The following NPC1 variants were observed in gnomAD, a reference collection of about 807,000 sequenced individuals.
NPC1 encodes the protein Niemann-Pick C1 protein.
A neutral mutation model predicts 140.4 loss-of-function variants in NPC1; 85 were observed. The ratio of observed to expected loss-of-function variants is 0.61; its 90% confidence interval spans 0.51 to 0.72. NPC1 has a LOEUF of 0.72. Among genes scored for constraint, NPC1 ranks in the 30% least tolerant of loss-of-function variants. The probability of loss-of-function intolerance (pLI) is 0.00; values close to 1 mark genes in which losing one functional copy is unlikely to be tolerated. For synonymous variants in NPC1, 656 were observed against 624.8 expected, an observed-to-expected ratio of 1.05 and a Z score of -0.74; for missense variants, 1,504 against 1,623.8, an observed-to-expected ratio of 0.93 and a Z score of 1.27.
At chr18:23,559,492 CTTTTTT>C (rs57612444) in intron 6 of NPC1, among the ~76,000 whole-genome samples, 11 of 81,466 alleles carry the variant, frequency 1.4e-4, no homozygotes, top group East Asian at 3.2e-4. Context: ...TTGACTCTGA[CTTTTTT>C]TTTTTTTTTT....
Position 23,531,650 on chromosome 18 carries a change from T to G in NPC1, c.*552A>C. 6.2e-7 allele frequency: 1 copy of G among 1,613,566 alleles called. No homozygotes were observed. Among genetic ancestry groups the G allele is most frequent in the Non-Finnish European group, 8.5e-7 (1 of 1,179,924 alleles). The stretch of plus-strand genomic sequence containing the variant: ...GGGAACACTGTGAAGAACATGTTGC[T>G]TTTTTCAAACAGATTTTTGGAGACC... On this transcript the variant is annotated 3_prime_UTR_variant, in exon 25 of 25. Coordinates refer to ENST00000269228, the MANE Select transcript of NPC1 (RefSeq NM_000271.5).
chr18:23,533,183 A>G, intron 24 of NPC1, 172 bp downstream of exon 24: 1 of 754,782 alleles, frequency 1.3e-6, no homozygotes, highest in African/African-American at 1.8e-5. Flanking sequence ...ACCATCATGA[A>G]TCCCCTGGAT....
At chr18:23,518,925 A>G (rs142654383), downstream of NPC1, 47 of 1,614,062 alleles carry the variant, frequency 2.9e-5, no homozygotes, top group African/African-American at 6.0e-4. Flanking sequence ...TTGAGGCATC[A>G]TTCTCGGACC....
intron 3 of NPC1, among the ~76,000 whole-genome samples, chr18:23,513,984 CTG>C (rs754468009): frequency 6.6e-6 from 1 of 152,204 alleles, no homozygotes; most frequent in African/African-American, 2.4e-5. Context: ...CCTTTCCACT[CTG>C]TGGATTGTGT....
At chr18:23,518,647 CTA>C (rs1688292792), downstream of NPC1, among the ~76,000 whole-genome samples, 1 of 152,154 alleles carries the variant, frequency 6.6e-6, no homozygotes. Context: ...ATTTTAGACT[CTA>C]TGCTTAGGTT....
At chr18:23,530,446 A>G (rs1434332799), downstream of NPC1, 2 of 1,614,298 alleles carry the variant, frequency 1.2e-6, no homozygotes, top group Non-Finnish European at 1.7e-6. Flanking sequence ...ACCAAGTGTT[A>G]GCTGCCTTAA....
chr18:23,558,364 G>C (rs2058985153), intron 6 of NPC1, among the ~76,000 whole-genome samples: 1 of 152,120 alleles, frequency 6.6e-6, no homozygotes, highest in Non-Finnish European at 1.5e-5. Flanking sequence ...CAACATCAGG[G>C]ATCCCTGACA....
intron 6 of NPC1, among the ~76,000 whole-genome samples, chr18:23,557,756 C>T (rs1184216024): frequency 1.2e-4 from 18 of 152,234 alleles, no homozygotes; most frequent in Non-Finnish European, 1.0e-4. Flanking sequence ...AACAAACAAA[C>T]AAACAAAAAC....
downstream of NPC1, chr18:23,524,622 T>TC (rs1810379035): frequency 9.0e-6 from 7 of 778,562 alleles, no homozygotes; most frequent in Admixed American, 2.6e-5. Flanking sequence ...TTTTTTTTTT[T>TC]CACTTTATAC....
Position 23,539,914 on chromosome 18 carries a change from C to T in NPC1, c.2692G>A (p.Asp898Asn), listed in dbSNP as rs528841924. 2.1e-5 allele frequency: 34 copies of T among 1,614,102 alleles called. No individual in the cohort carries two copies. The highest frequency in any genetic ancestry group is 5.3e-5 in the African/African-American group (4 of 75,008). Residue 898 changes from aspartate to asparagine, a missense_variant, in exon 18 of 25, where the codon GAC (aspartate) becomes AAC (asparagine). Transcript: ENST00000269228. ...TTCTGCCCCTTGGAAGAAGTGTAGT[C>T]GTGCCCTTCCTCCAGGACAAAGTAC... Reference protein sequence around the residue: ...PVYFVLEEGHDYTSSKGQNMV... With the variant: ...PVYFVLEEGHNYTSSKGQNMV...
chr18:23,585,345 C>T (rs1266021996), intron 1 of NPC1, among the ~76,000 whole-genome samples: 1 of 152,180 alleles, frequency 6.6e-6, no homozygotes, highest in African/African-American at 2.4e-5. Flanking sequence ...TCTCCTGGCT[C>T]TTAGTCCATT....
In NPC1 at chr18:23,515,551, C is replaced by T. The variant is rs183512876; in HGVS notation, c.432-8909G>A. On this transcript the variant is annotated intron_variant, in intron 3 of 3. Transcript: ENST00000591107. ...TTATTGATTTATTTATTAATTGAGA[C>T]TGAATCTCGCTCTGTCACTCACGCT... 2.0e-4 allele frequency among the ~76,000 whole-genome samples: 30 copies of T among 152,332 alleles called. No homozygotes were observed. In the East Asian group the frequency reaches 5.8e-3, roughly 29 times the overall value.
chr18:23,553,346 C>G (rs1389646678), intron 9 of NPC1, among the ~76,000 whole-genome samples: 3 of 152,186 alleles, frequency 2.0e-5, no homozygotes, highest in Non-Finnish European at 4.4e-5. Context: ...CATGGCTCGT[C>G]TGCACCGTCT....
Position 23,531,933 on chromosome 18 carries a change from T to A in NPC1, c.*269A>T. 2 of 1,444,496 alleles carry A rather than the reference T, an allele frequency of 1.4e-6. No homozygotes were observed. Among genetic ancestry groups the A allele is most frequent in the South Asian group, 3.0e-5 (2 of 67,410 alleles). The allele number at this position is 1,444,496 out of a possible 1,614,324, so 89.5% of individuals were successfully genotyped here. On this transcript the variant is annotated 3_prime_UTR_variant, in exon 25 of 25. Transcript: ENST00000269228. ...GGATCACATTCACAGCCATCTAGTG[T>A]CACCTCCTGCTTGCCAAAGAATGAG...
At chr18:23,517,385 T>C (rs1204201789), downstream of NPC1, among the ~76,000 whole-genome samples, 1 of 152,146 alleles carries the variant, frequency 6.6e-6, no homozygotes, top group Non-Finnish European at 1.5e-5. Flanking sequence ...CTTGACCTCT[T>C]GATCTGCCCT....
downstream of NPC1, among the ~76,000 whole-genome samples, chr18:23,524,731 AAAAGCCAGACTCCACCCCAGGGTGGATGG>A (rs1210404210): frequency 1.3e-5 from 2 of 151,964 alleles, no homozygotes; most frequent in African/African-American, 4.8e-5. Context: ...CCCATTCTGG[AAAAGCCAGACTCCACCCCAGGGTGGATGG>A]AAAGCCGGAC....
downstream of NPC1, chr18:23,519,239 T>A (rs1045166831): frequency 1.1e-5 from 15 of 1,409,272 alleles, no homozygotes; most frequent in African/African-American, 1.8e-4. Flanking sequence ...AATTGGTGGC[T>A]GGGCACGGTG....
In NPC1 at chr18:23,539,393, C is replaced by T. The variant is rs120074132; in HGVS notation, c.2873G>A (p.Arg958Gln). 6.2e-6 allele frequency: 10 copies of T among 1,613,842 alleles called. No homozygotes were observed. Among genetic ancestry groups the T allele is most frequent in the Admixed American group, 3.3e-5 (2 of 59,994 alleles). ...DWVKPQSSCC[R>Q]VDNITDQFCN... ...GAACTGGTCAGTGATATTGTCCACT[C>T]GACAGCAAGACGACTGTGGCTTCAC... The change falls in exon 19 of 25, where the codon CGA becomes CAA. Residue 958 changes from arginine to glutamine, a missense_variant. Physicochemically the swap from Arg to Gln is conservative, Grantham distance 43. Coordinates refer to ENST00000269228, the MANE Select transcript of NPC1 (RefSeq NM_000271.5).
downstream of NPC1, chr18:23,520,334 G>A (rs1387787822): frequency 6.3e-7 from 1 of 1,576,428 alleles, no homozygotes; most frequent in African/African-American, 1.4e-5. Flanking sequence ...TTCTGTAGAG[G>A]AGTCTGTGCT....
Sources: allele counts gnomAD v4.1 joint callset (sites outside exome capture counted in the v4.1 genomes callset), GRCh38; gene constraint gnomAD v4.1.1; transcripts MANE v1.5; gene names NCBI Gene and HGNC (gene_info 2026-07-23, HGNC 2026-07-21).